The following KCNT1 variants were observed in gnomAD, a reference collection of about 807,000 sequenced individuals.
KCNT1 encodes potassium channel subfamily T member 1.
KCNT1 carries 78 observed loss-of-function variants against 147.8 expected under a neutral mutation model. The ratio of observed to expected loss-of-function variants is 0.53; its 90% CI spans 0.44 to 0.64. The LOEUF is 0.64. KCNT1 is among the 30% of genes least tolerant of loss of function. The pLI is 0.00. For synonymous variants in KCNT1, 867 were observed against 748.8 expected (o/e 1.16, Z -2.58); for missense variants, 1,419 against 1,750.3 (o/e 0.81, Z 3.38).
intron 15 of KCNT1, among the ~76,000 whole-genome samples, chr9:135,769,230 C>T (rs1449923548): frequency 1.2e-4 from 18 of 146,410 alleles, no homozygotes; most frequent in African/African-American, 2.6e-4. Context: ...CACGTGTGCA[C>T]GTGTGTGTCG....
rs1030408139 is a variant in KCNT1, at chr9:135,743,432, C to T, written c.255-6666C>T. On this transcript the variant is annotated intron_variant, in intron 2 of 30. Coordinates refer to ENST00000371757, the MANE Select transcript of KCNT1 (RefSeq NM_020822.3). ...GCACGGCACCAGCAGCAGAAACCAC[C>T]GAGCACTCAGCACTCACGGCTGTTG... Among the ~76,000 whole-genome samples, 6 of 152,140 alleles carry T rather than the reference C, an allele frequency of 3.9e-5. 1 individual carries two copies. In the South Asian group the frequency reaches 8.3e-4, roughly 21 times the overall value.
rs953812353 is a variant in KCNT1, at chr9:135,794,075, G to A, written c.*1914G>A. 1 of 152,440 alleles carries A rather than the reference G, an allele frequency of 6.6e-6. No homozygotes were observed. The highest frequency in any genetic ancestry group is 1.5e-5 in the Non-Finnish European group (1 of 68,196). The allele number at this position is 152,440 out of a possible 1,614,324, so 9.4% of individuals were successfully genotyped here. ...GCACAGCACCTGCAGGGAGGAGAAG[G>A]GAGAGAAAAGCCGGTCTGGCTGCTG... is the stretch of plus-strand genomic sequence containing the variant. On this transcript the variant is annotated 3_prime_UTR_variant, in exon 31 of 31. Coordinates refer to ENST00000371757, the MANE Select transcript of KCNT1 (RefSeq NM_020822.3).
Position 135,770,444 on chromosome 9 carries a change from A to G in KCNT1, c.1766A>G (p.Lys589Arg), listed in dbSNP as rs1217094996. The G allele has an allele frequency of 4.3e-6, 7 of 1,610,476 alleles. No homozygotes were observed. In the East Asian group the frequency reaches 1.6e-4, roughly 36 times the overall value. Reference protein sequence around the residue: ...SFTYAAFHAHKKYGVCLIGLK... With the variant: ...SFTYAAFHAHRKYGVCLIGLK... ...ACCTACGCGGCCTTCCACGCCCACA[A>G]GAAGTAAGGCCGGGCTGCATCCACA... Residue 589 changes from lysine (K) to arginine (R), a missense_variant, in exon 17 of 31, where the codon AAG (lysine) becomes AGG (arginine). Physicochemically the swap from Lys to Arg is conservative, Grantham distance 26. Coordinates refer to ENST00000371757, the MANE Select transcript of KCNT1 (RefSeq NM_020822.3).
chr9:135,788,766 G>A (rs533239797), intron 29 of KCNT1, among the ~76,000 whole-genome samples: 6 of 152,296 alleles, frequency 3.9e-5, no homozygotes, highest in East Asian at 3.9e-4. Context: ...TGCTCGGCTC[G>A]AGCAGAGCCG....
intron 10 of KCNT1, among the ~76,000 whole-genome samples, chr9:135,759,215 C>T (rs1263173235): frequency 6.6e-6 from 1 of 152,240 alleles, no homozygotes; most frequent in East Asian, 1.9e-4. Flanking sequence ...GGGCGCTTGT[C>T]TGGCTGTGCC....
rs12683209 is a variant in KCNT1, at chr9:135,724,757, G to T, written c.254+10037G>T. On this transcript the variant is annotated intron_variant, in intron 2 of 30. Transcript: ENST00000371757. ...GTCATGTATTTCATTGGGATCCCTA[G>T]CTCCGGCTGGGTCGGCTGGGCTGCC... is the stretch of plus-strand genomic sequence containing the variant. Among the ~76,000 whole-genome samples, 147 of 152,358 alleles carry T rather than the reference G, an allele frequency of 9.6e-4. 1 individual carries two copies. The East Asian group carries it at 0.026, about 27-fold the overall frequency.
At chr9:135,774,127 T>C (rs1832946808) in intron 19 of KCNT1, among the ~76,000 whole-genome samples, 1 of 151,460 alleles carries the variant, frequency 6.6e-6, no homozygotes, top group Non-Finnish European at 1.5e-5. Context: ...GTGTGGTGTG[T>C]GTTGTGTGAT....
chr9:135,751,213 G>A (rs934424651), intron 4 of KCNT1, among the ~76,000 whole-genome samples, 172 bp downstream of exon 4: 2 of 152,106 alleles, frequency 1.3e-5, no homozygotes, highest in African/African-American at 2.4e-5. Flanking sequence ...AGGACTCAGT[G>A]CCCAGGCTCC....
At position 135,714,575 on chromosome 9, in the gene KCNT1, A is replaced by T. The variant is rs1382443844; in HGVS notation, c.111-2A>T. 2.3e-6 allele frequency: 3 copies of T among 1,298,796 alleles called. No individual in the cohort carries two copies. The highest frequency in any genetic ancestry group is 3.0e-6 in the Non-Finnish European group (3 of 1,008,752). 80.5% of individuals were successfully genotyped at this position (1,298,796 alleles called of 1,614,324 possible). A position where few individuals can be genotyped will look rare whatever the true frequency, so the allele number is the denominator to read the frequency against. ...CTGAGGGGCGCTGGCGTGTGCCCGC[A>T]GGCGGCCCTGCGCGGGGGACGGCGC... is the stretch of plus-strand genomic sequence containing the variant. On this transcript the variant is annotated splice_acceptor_variant, in intron 1 of 30. Transcript: ENST00000371757. LOFTEE classifies it high-confidence loss of function. This position sits in a 1 kb window ranked among gnomAD's most constrained non-coding sequence, Gnocchi z 6.2.
chr9:135,781,672 C>G (rs1833618825), intron 24 of KCNT1, among the ~76,000 whole-genome samples: 1 of 151,932 alleles, frequency 6.6e-6, no homozygotes, highest in Non-Finnish European at 1.5e-5. Flanking sequence ...AAAGTTACCC[C>G]AAATCCCTGC....
intron 2 of KCNT1, among the ~76,000 whole-genome samples, chr9:135,728,498 C>T (rs554510791): frequency 2.4e-4 from 37 of 152,358 alleles, no homozygotes; most frequent in African/African-American, 8.2e-4. Flanking sequence ...GGGAAAAGCC[C>T]AGATTTCAGG....
At chr9:135,712,745 C>A (rs573188008) in intron 1 of KCNT1, among the ~76,000 whole-genome samples, 1 of 152,212 alleles carries the variant, frequency 6.6e-6, no homozygotes, top group African/African-American at 2.4e-5. Context: ...ATTTTAGCCC[C>A]GGCCCTCAGC....
rs1321208182 is a variant in KCNT1 at position 135,775,338 on chromosome 9, C to G, written c.2272C>G (p.Pro758Ala). The G allele has an allele frequency of 6.2e-7, 1 of 1,609,428 alleles. No homozygotes were observed. The highest frequency in any genetic ancestry group is 8.5e-7 in the Non-Finnish European group (1 of 1,177,886). Residue 758 changes from proline to alanine, a missense_variant, in exon 20 of 31, where the codon CCC becomes GCC. Pro to Ala is a conservative substitution (Grantham distance 27). Transcript: ENST00000371757. The stretch of plus-strand genomic sequence containing the variant: ...TGTGAAGGGCTACCCTCCCAACTCG[C>G]CCTACATCGGCAGCTCCCCAACCCT... The part of the protein sequence containing the change: ...EYVKGYPPNS[P>A]YIGSSPTLCH...
intron 29 of KCNT1, 52 bp downstream of exon 29, chr9:135,786,573 C>T (rs1355309075): frequency 4.7e-6 from 7 of 1,481,946 alleles, no homozygotes; most frequent in South Asian, 2.6e-5. Context: ...GGGCCAGGGT[C>T]GGGCCACAGC....
In KCNT1 at chr9:135,714,042, G is replaced by A. The variant is rs183011907; in HGVS notation, c.111-535G>A. ...GGCTGCAAACAAGGGTGTCTTCTTA[G>A]GCCTCCTGGTCACTCCACCCTCACC... is the stretch of plus-strand genomic sequence containing the variant. On this transcript the variant is annotated intron_variant, in intron 1 of 30. Transcript: ENST00000371757. This position sits in a 1 kb window ranked among gnomAD's most constrained non-coding sequence, Gnocchi z 6.2. Among the ~76,000 whole-genome samples, 1,169 of 152,202 alleles carry A rather than the reference G, an allele frequency of 7.7e-3. 5 individuals carry two copies. The highest frequency in any genetic ancestry group is 0.013 in the Non-Finnish European group (899 of 67,994).
chr9:135,715,695 A>T (rs1469353346), intron 2 of KCNT1, among the ~76,000 whole-genome samples: 1 of 151,880 alleles, frequency 6.6e-6, no homozygotes, highest in Non-Finnish European at 1.5e-5. Flanking sequence ...TACTGCTGAA[A>T]CCGCAGCTGA....
chr9:135,786,070 C>A (rs978780558), intron 28 of KCNT1, 127 bp from the exon 29 acceptor site: 3 of 783,484 alleles, frequency 3.8e-6, no homozygotes, highest in African/African-American at 3.5e-5. Context: ...TCCCTAACAC[C>A]CCCAGCTGCT....
intron 1 of KCNT1, among the ~76,000 whole-genome samples, chr9:135,708,293 AC>A (rs1303819537): frequency 6.6e-6 from 1 of 152,202 alleles, no homozygotes; most frequent in Non-Finnish European, 1.5e-5. Context: ...TGCACATTGT[AC>A]ATACATGCAT....
intron 1 of KCNT1, among the ~76,000 whole-genome samples, chr9:135,705,405 A>T (rs1283870253): frequency 6.6e-6 from 1 of 152,192 alleles, no homozygotes. Context: ...TGTACCCAAA[A>T]ACAAGTGCTG....
Sources: allele counts gnomAD v4.1 joint callset (sites outside exome capture counted in the v4.1 genomes callset), GRCh38; gene constraint gnomAD v4.1.1; non-coding constraint Gnocchi (gnomAD v3.1); transcripts MANE v1.5; gene names NCBI Gene and HGNC (gene_info 2026-07-23, HGNC 2026-07-21).